Variants in AP3B2 observed in about 807,000 individuals in gnomAD.
AP3B2 encodes the protein adaptor related protein complex 3 subunit beta 2.
AP3B2 carries 50 observed loss-of-function variants against 126.9 expected under a neutral mutation model. The ratio of observed to expected loss-of-function variants is 0.39; its 90% CI spans 0.31 to 0.50. The LOEUF (loss-of-function observed/expected upper bound fraction) is 0.50, where lower values mean the gene tolerates loss of function less well. AP3B2 is among the 20% of genes least tolerant of loss of function. The pLI, the probability that AP3B2 is intolerant of heterozygous loss-of-function variation, is 0.79. For synonymous variants in AP3B2, 541 were observed against 565.0 expected, an observed-to-expected ratio of 0.96 and a Z score of 0.60; for missense variants, 1,177 against 1,426.4, an observed-to-expected ratio of 0.83 and a Z score of 2.82.
Position 82,680,607 on chromosome 15 carries a change from CGCA to C in AP3B2, c.917_919del (p.Leu306del), listed in dbSNP as rs2048321541. 1 of 1,595,348 alleles carries C rather than the reference CGCA, an allele frequency of 6.3e-7. No individual in the cohort carries two copies. On this transcript the variant is annotated inframe_deletion, in exon 8 of 27. Transcript: ENST00000535359. This position sits in a 1 kb window ranked among gnomAD's most constrained non-coding sequence, Gnocchi z 6.1. ...GCTCTGCAGCAGGGGTTTGGTGTTG[CGCA>C]GCAGCAGCCGGTGGTCGGGGTCCAT...
In AP3B2 at chr15:82,681,381, C is replaced by T. The variant is rs1271799479; in HGVS notation, c.521+39G>A. On this transcript the variant is annotated intron_variant, in intron 5 of 26. Transcript: ENST00000535359. This position sits in a 1 kb window ranked among gnomAD's most constrained non-coding sequence, Gnocchi z 4.0. ...CAGGGGTGGGTTGAGAACTTAGGAA[C>T]CAGCCTCCTGGGGAGCGTGGGACAG... 1 of 1,607,460 alleles carries T rather than the reference C, an allele frequency of 6.2e-7. No homozygotes were observed. Among genetic ancestry groups the T allele is most frequent in the Non-Finnish European group, 8.5e-7 (1 of 1,176,478 alleles).
intron 1 of AP3B2, among the ~76,000 whole-genome samples, chr15:82,694,027 G>C (rs746347101): frequency 6.7e-6 from 1 of 148,422 alleles, no homozygotes; most frequent in Admixed American, 6.7e-5. Flanking sequence ...TGTTTGAGAC[G>C]AAGTCTCGCT....
At chr15:82,702,381 A>G (rs2048731934) in intron 1 of AP3B2, among the ~76,000 whole-genome samples, 1 of 152,208 alleles carries the variant, frequency 6.6e-6, no homozygotes, top group Non-Finnish European at 1.5e-5. Context: ...CATCCTTGTC[A>G]GGCCTCTGAG....
rs530359805 is a variant in AP3B2 at position 82,692,159 on chromosome 15, A to C, written c.114-2706T>G. 7 of 1,485,224 alleles carry C rather than the reference A, an allele frequency of 4.7e-6. No individual in the cohort carries two copies. In the South Asian group the frequency reaches 5.9e-5, roughly 12 times the overall value. 92.0% of individuals were successfully genotyped at this position (1,485,224 alleles called of 1,614,324 possible). A position where few individuals can be genotyped will look rare whatever the true frequency, so the allele number is the denominator to read the frequency against. ...CACGAAGCCGACACTGGCCATAATC[A>C]TAACTATTTCTTCCATAAATAGCAT... On this transcript the variant is annotated intron_variant, in intron 1 of 26. Transcript: ENST00000535359.
rs550885877 is a variant in AP3B2, at chr15:82,680,376, G to C, written c.1055+96C>G. ...GTCAGTGTGGAGCGGGTGGGCAGAG[G>C]TGGAAGCGGCTGGTGGGCGTGAGGG... is the stretch of plus-strand genomic sequence containing the variant. On this transcript the variant is annotated intron_variant, in intron 8 of 26. Coordinates refer to ENST00000535359, the MANE Select transcript of AP3B2 (RefSeq NM_001278512.2). This position sits in a 1 kb window ranked among gnomAD's most constrained non-coding sequence, Gnocchi z 6.1. The C allele has an allele frequency of 6.8e-7, 1 of 1,467,916 alleles. No individual in the cohort carries two copies. The highest frequency in any genetic ancestry group is 1.4e-5 in the African/African-American group (1 of 71,534). 90.9% of individuals were successfully genotyped at this position (1,467,916 alleles called of 1,614,324 possible).
chr15:82,666,905 C>G lies in AP3B2; in HGVS notation c.1694G>C (p.Ser565Thr). ...ATAGTTCTGGTCATATTTGGCCAGA[C>G]TCAGCACATACTGGGTCAGCAGCTT... is the stretch of plus-strand genomic sequence containing the variant. ...QTKLLTQYVL[S>T]LAKYDQNYDI... The change falls in exon 15 of 27, where the codon AGT becomes ACT. Residue 565 changes from serine to threonine, a missense_variant. Physicochemically the swap from Ser to Thr is moderately conservative, Grantham distance 58 (BLOSUM62 1). Transcript: ENST00000535359. The G allele has an allele frequency of 6.2e-7, 1 of 1,613,652 alleles. No homozygotes were observed. The highest frequency in any genetic ancestry group is 1.7e-5 in the Admixed American group (1 of 60,004).
chr15:82,671,565 T>G (rs1312546379), intron 14 of AP3B2, among the ~76,000 whole-genome samples: 1 of 147,020 alleles, frequency 6.8e-6, no homozygotes, highest in African/African-American at 2.5e-5. Context: ...GGTGAAACCC[T>G]GTCTCTACTA....
chr15:82,682,047 C>CTTTTTTTTTTTTTTTTT (rs769028602), intron 4 of AP3B2, among the ~76,000 whole-genome samples: 1 of 79,944 alleles, frequency 1.3e-5, no homozygotes, highest in Non-Finnish European at 2.2e-5. Context: ...TAGGCCCTTC[C>CTTTTTTTTTTTTTTTTT]TTTTTTTTTT....
At chr15:82,662,524 T>TG (rs2047969364) in intron 23 of AP3B2, 170 bp downstream of exon 23, 1 of 736,706 alleles carries the variant, frequency 1.4e-6, no homozygotes, top group African/African-American at 1.8e-5. Flanking sequence ...GATGTGAACT[T>TG]GCTTATTTCA....
chr15:82,698,911 T>G (rs1033567627), intron 1 of AP3B2, among the ~76,000 whole-genome samples: 1 of 152,094 alleles, frequency 6.6e-6, no homozygotes, highest in Non-Finnish European at 1.5e-5. Context: ...CAGGTAAGAT[T>G]GACTGTCGAA....
intron 21 of AP3B2, 106 bp from the exon 22 acceptor site, chr15:82,663,339 G>A (rs1037685806): frequency 1.9e-6 from 2 of 1,041,710 alleles, no homozygotes; most frequent in Non-Finnish European, 2.9e-6. Context: ...GGACAGCGGG[G>A]CACATGGCTG....
chr15:82,679,881 A>AC (rs985753723), intron 9 of AP3B2, 81 bp from the exon 10 acceptor site: 8 of 1,316,448 alleles, frequency 6.1e-6, no homozygotes, highest in Non-Finnish European at 7.6e-6. Context: ...TCCTATCCTG[A>AC]CCCAGCGCCC....
rs60428596 is a variant in AP3B2, at chr15:82,665,376, A to AACACACAC, written c.1971+73_1972-74dup. 3,525 of 1,254,330 alleles carry AACACACAC rather than the reference A, an allele frequency of 2.8e-3. 14 individuals carry two copies. Among genetic ancestry groups the AACACACAC allele is most frequent in the African/African-American group, 6.7e-3 (391 of 58,010 alleles). The allele number at this position is 1,254,330 out of a possible 1,614,324, so 77.7% of individuals were successfully genotyped here. On this transcript the variant is annotated intron_variant, in intron 16 of 26. Coordinates refer to ENST00000535359, the MANE Select transcript of AP3B2 (RefSeq NM_001278512.2). This position sits in a 1 kb window ranked among gnomAD's most constrained non-coding sequence, Gnocchi z 4.4. ...GGGCTCCCTACTGTCTGCCCCCACC[A>AACACACAC]ACACACACACACACACACACACACA... is the stretch of plus-strand genomic sequence containing the variant.
At chr15:82,692,075 GC>G in intron 1 of AP3B2, 1 of 1,492,500 alleles carries the variant, frequency 6.7e-7, no homozygotes, top group Non-Finnish European at 9.3e-7. Context: ...CTTGCAGAAG[GC>G]CCATTCCTCC....
At chr15:82,697,776 TG>T in intron 1 of AP3B2, 1 of 150,668 alleles carries the variant, frequency 6.6e-6, no homozygotes, top group Non-Finnish European at 1.5e-5. Flanking sequence ...CTCCCTCACC[TG>T]GGGGGATGCC....
intron 14 of AP3B2, 107 bp from the exon 15 acceptor site, chr15:82,667,040 C>A: frequency 1.7e-6 from 2 of 1,171,172 alleles, no homozygotes; most frequent in Admixed American, 2.3e-5. Flanking sequence ...TCTCCTCTCC[C>A]TGCTTAGGAC....
chr15:82,705,747 G>GA (rs2048786337), intron 1 of AP3B2, among the ~76,000 whole-genome samples: 1 of 152,024 alleles, frequency 6.6e-6, no homozygotes, highest in Admixed American at 6.6e-5. Context: ...CTAATCTCCC[G>GA]AACCCCAATC....
In AP3B2 at chr15:82,681,056, G is replaced by A. The variant is rs1168959946; in HGVS notation, c.589-37C>T. The A allele has an allele frequency of 6.2e-7, 1 of 1,613,546 alleles. No homozygotes were observed. The highest frequency in any genetic ancestry group is 1.3e-5 in the African/African-American group (1 of 75,064). ...ACAAAGACGAGAGGGTGAACGCGAA[G>A]GGTGGAAGGCCGGCTGCCGGTCACC... On this transcript the variant is annotated intron_variant, in intron 6 of 26. Transcript: ENST00000535359. This position sits in a 1 kb window ranked among gnomAD's most constrained non-coding sequence, Gnocchi z 4.0.
intron 23 of AP3B2, 184 bp from the exon 24 acceptor site, chr15:82,662,436 C>A: frequency 1.5e-6 from 1 of 650,112 alleles, no homozygotes; most frequent in Non-Finnish European, 2.7e-6. Context: ...ACCCTTTCCC[C>A]CACTCACCCT....
Sources: allele counts gnomAD v4.1 joint callset (sites outside exome capture counted in the v4.1 genomes callset), GRCh38; gene constraint gnomAD v4.1.1; non-coding constraint Gnocchi (gnomAD v3.1); transcripts MANE v1.5; gene names NCBI Gene and HGNC (gene_info 2026-07-23, HGNC 2026-07-21).